Variants in SYNPR observed in about 807,000 individuals in gnomAD.
SYNPR encodes the protein synaptoporin.
Under a neutral mutation model 32.9 loss-of-function variants are expected in SYNPR, and 23 were observed. The observed-to-expected ratio is 0.70, with a 90% CI of 0.50 to 0.99. The LOEUF (loss-of-function observed/expected upper bound fraction) is 0.99. Ranked by LOEUF, SYNPR falls within the 50% of genes least tolerant of loss-of-function variation. The pLI, the probability that SYNPR is intolerant of heterozygous loss-of-function variation, is 0.00. For missense variants in SYNPR, 318 were observed against 349.3 expected (o/e 0.91, Z 0.71); for synonymous variants, 146 against 135.9 (o/e 1.07, Z -0.52).
intron 1 of SYNPR, among the ~76,000 whole-genome samples, chr3:63,250,055 A>G (rs1244435655): frequency 1.3e-5 from 2 of 152,158 alleles, no homozygotes; most frequent in Non-Finnish European, 2.9e-5. Context: ...GAATAGGGAG[A>G]AGTTAGTTAA....
chr3:63,202,231 A>G, the SYNPR span, among the ~76,000 whole-genome samples: 1 of 152,188 alleles, frequency 6.6e-6, no homozygotes, highest in Admixed American at 6.6e-5. Flanking sequence ...ATTCCTTTCC[A>G]GGTATAACAT....
intron 2 of SYNPR, among the ~76,000 whole-genome samples, chr3:63,400,139 T>G (rs1178754849): frequency 6.6e-6 from 1 of 152,194 alleles, no homozygotes; most frequent in Non-Finnish European, 1.5e-5. Context: ...GAAAATAAGA[T>G]TTTGCGACTC....
At chr3:63,508,116 C>A (rs1366331515) in intron 3 of SYNPR, among the ~76,000 whole-genome samples, 1 of 152,138 alleles carries the variant, frequency 6.6e-6, no homozygotes, top group Non-Finnish European at 1.5e-5. Flanking sequence ...TCAATAGCCA[C>A]ATGTGGCTAG....
At chr3:63,608,614 A>G (rs547310141) in intron 4 of SYNPR, among the ~76,000 whole-genome samples, 68 of 152,334 alleles carry the variant, frequency 4.5e-4, no homozygotes, top group African/African-American at 1.5e-3. Flanking sequence ...GAATGAATGA[A>G]TGAGTGAACA....
At chr3:63,585,882 C>T (rs1285632883) in intron 4 of SYNPR, among the ~76,000 whole-genome samples, 1 of 152,022 alleles carries the variant, frequency 6.6e-6, no homozygotes, top group Non-Finnish European at 1.5e-5. Flanking sequence ...TAAGAAGTAA[C>T]ATAACTGAGC....
At chr3:63,281,591 G>C (rs1402647730) in intron 2 of SYNPR, among the ~76,000 whole-genome samples, 1 of 152,140 alleles carries the variant, frequency 6.6e-6, no homozygotes, top group Non-Finnish European at 1.5e-5. Flanking sequence ...TAGCAGAAGG[G>C]AAGAACTCTG....
At chr3:63,574,747 C>T (rs1186300191) in intron 4 of SYNPR, among the ~76,000 whole-genome samples, 1 of 152,056 alleles carries the variant, frequency 6.6e-6, no homozygotes, top group East Asian at 1.9e-4. Flanking sequence ...ATACAGAACT[C>T]AATACATAGT....
chr3:63,209,472 C>G, the SYNPR span, among the ~76,000 whole-genome samples: 1 of 152,210 alleles, frequency 6.6e-6, no homozygotes, highest in Non-Finnish European at 1.5e-5. Context: ...TCTGAACAGT[C>G]TGGGGGGGTT....
At chr3:63,545,508 C>T (rs1702384484) in intron 3 of SYNPR, 1 of 151,976 alleles carries the variant, frequency 6.6e-6, no homozygotes, top group South Asian at 2.1e-4. Context: ...CTGGTTAGTA[C>T]TTGGATGGGG....
At chr3:63,544,269 C>G (rs913429911) in intron 3 of SYNPR, among the ~76,000 whole-genome samples, 1 of 152,022 alleles carries the variant, frequency 6.6e-6, no homozygotes, top group Non-Finnish European at 1.5e-5. Flanking sequence ...CTTTTCCTAT[C>G]CCCAGCTGAT....
intron 4 of SYNPR, among the ~76,000 whole-genome samples, chr3:63,573,177 A>C (rs1448822122): frequency 6.6e-6 from 1 of 152,184 alleles, no homozygotes; most frequent in Non-Finnish European, 1.5e-5. Flanking sequence ...TCTTTGTAAA[A>C]GGAGAGAATT....
intron 2 of SYNPR, among the ~76,000 whole-genome samples, chr3:63,397,028 C>G (rs1039930081): frequency 6.7e-6 from 1 of 150,212 alleles, no homozygotes; most frequent in African/African-American, 2.5e-5. Context: ...GGCGTGAACC[C>G]GGGAGGCGGA....
chr3:63,434,845 C>T (rs768157698), intron 2 of SYNPR, among the ~76,000 whole-genome samples: 2 of 152,124 alleles, frequency 1.3e-5, no homozygotes, highest in Non-Finnish European at 2.9e-5. Context: ...TGAAAATAGG[C>T]ATCATAAAAG....
At chr3:63,576,178 C>T (rs920283582) in intron 4 of SYNPR, among the ~76,000 whole-genome samples, 4 of 152,088 alleles carry the variant, frequency 2.6e-5, no homozygotes, top group Non-Finnish European at 5.9e-5. Flanking sequence ...GTCCATCATC[C>T]CTGTATAGCC....
chr3:63,226,016 T>C, upstream of SYNPR, among the ~76,000 whole-genome samples: 1 of 149,196 alleles, frequency 6.7e-6, no homozygotes, highest in Middle Eastern at 3.5e-3. Context: ...TAAGGAAAAA[T>C]ATAAAAAATT....
Position 63,236,062 on chromosome 3 carries a change from GTTTCT to G in SYNPR, n.66+7686_66+7690del, listed in dbSNP as rs761691476. On this transcript the variant is annotated intron_variant and non_coding_transcript_variant, in intron 1 of 4. Coordinates refer to the SYNPR transcript ENST00000478456. Reference sequence around the variant, plus strand: ...TTTGTACAAGCCATATTAAGCTGAGGTTTCTTTTTTTTTTTTCTTTATGGATGCCC... The same window carrying G: ...TTTGTACAAGCCATATTAAGCTGAGGTTTTTTTTTTTCTTTATGGATGCCC... Among the ~76,000 whole-genome samples, 35 of 148,948 alleles carry G rather than the reference GTTTCT, an allele frequency of 2.3e-4. 1 individual carries two copies. The South Asian group carries it at 3.8e-3, about 16-fold the overall frequency.
chr3:63,454,978 C>T (rs763976555), intron 2 of SYNPR, among the ~76,000 whole-genome samples: 100 of 151,994 alleles, frequency 6.6e-4, no homozygotes, highest in Non-Finnish European at 1.2e-3. Context: ...CGGAATTTTC[C>T]AAACTCAACT....
chr3:63,249,511 G>T (rs1047828176), intron 1 of SYNPR, among the ~76,000 whole-genome samples: 3 of 152,104 alleles, frequency 2.0e-5, no homozygotes, highest in East Asian at 1.9e-4. Flanking sequence ...AGGATGCAAA[G>T]GTATAAGAAT....
intron 3 of SYNPR, among the ~76,000 whole-genome samples, chr3:63,494,466 TACAC>T (rs1487285940): frequency 3.2e-4 from 39 of 122,796 alleles, no homozygotes; most frequent in African/African-American, 5.2e-4. Flanking sequence ...TATACATATA[TACAC>T]ATATATACAT....
Sources: allele counts gnomAD v4.1 joint callset (sites outside exome capture counted in the v4.1 genomes callset), GRCh38; gene constraint gnomAD v4.1.1; transcripts MANE v1.5; gene names NCBI Gene and HGNC (gene_info 2026-07-23, HGNC 2026-07-21).